IGSF9B: variants seen among roughly 807,000 people sequenced by gnomAD.
IGSF9B encodes the protein protein turtle homolog B.
Under a neutral mutation model 143.7 loss-of-function variants are expected in IGSF9B, and 48 were observed. That is an observed-to-expected ratio of 0.33 (90% CI 0.26 to 0.42). The LOEUF (loss-of-function observed/expected upper bound fraction) is 0.42, where lower values mean the gene tolerates loss of function less well. Among genes scored for constraint, IGSF9B ranks in the 20% least tolerant of loss-of-function variants. IGSF9B has a pLI of 1.00. For missense variants in IGSF9B, 1,706 were observed against 1,980.0 expected (o/e 0.86, Z 2.63); for synonymous variants, 903 against 833.1 (o/e 1.08, Z -1.44).
At chr11:133,927,652 C>T (rs541154555) in intron 12 of IGSF9B, among the ~76,000 whole-genome samples, 6 of 152,152 alleles carry the variant, frequency 3.9e-5, no homozygotes, top group African/African-American at 7.2e-5. Flanking sequence ...TCCCTAAGGC[C>T]GTAAGGGTTG....
rs1939309374 is a variant in IGSF9B at position 133,912,026 on chromosome 11, G to C, written c.3984-19C>G. 2.7e-6 allele frequency: 4 copies of C among 1,507,858 alleles called. No homozygotes were observed. The highest frequency in any genetic ancestry group is 2.6e-6 in the Non-Finnish European group (3 of 1,137,574). 93.4% of individuals were successfully genotyped at this position (1,507,858 alleles called of 1,614,324 possible). ...AAGTGTTCTGGAAAGGACAACCAGAGAGCCACAATTCAGCTCCCGGATGTG... is the reference window on the plus strand; with the variant it reads ...AAGTGTTCTGGAAAGGACAACCAGACAGCCACAATTCAGCTCCCGGATGTG... On this transcript the variant is annotated intron_variant, in intron 18 of 19. Transcript: ENST00000533871.
chr11:133,950,127 T>C (rs11223641), intron 1 of IGSF9B, among the ~76,000 whole-genome samples: 13,715 of 152,250 alleles, frequency 0.09, 902 homozygotes, highest in Non-Finnish European at 0.14. Context: ...GGGCTGCCGT[T>C]GGACCCCTGT....
chr11:133,931,220 G>C lies in IGSF9B; in HGVS notation c.1369-86C>G. 7.1e-7 allele frequency: 1 copy of C among 1,399,984 alleles called. No individual in the cohort carries two copies. Among genetic ancestry groups the C allele is most frequent in the Admixed American group, 1.9e-5 (1 of 51,890 alleles). 86.7% of individuals were successfully genotyped at this position (1,399,984 alleles called of 1,614,324 possible). On this transcript the variant is annotated intron_variant, in intron 10 of 19. Coordinates refer to ENST00000533871, the MANE Select transcript of IGSF9B (RefSeq NM_001277285.4). The surrounding 1 kb of genome is among the most constrained non-coding windows in gnomAD (Gnocchi z 7.7). ...CGAAGCAGATGGGGAGGACGCGCCT[G>C]AGACCCCGGCCCGCCCACGCTGCCC...
In IGSF9B at chr11:133,901,851, G is replaced by A. The variant is rs4937851; in HGVS notation, c.*7218C>T. Among the ~76,000 whole-genome samples, 68,455 of 124,786 alleles carry A rather than the reference G, an allele frequency of 0.55. 17,012 individuals carry two copies. The highest frequency in any genetic ancestry group is 0.67 in the East Asian group (3,110 of 4,610). 81.9% of individuals were successfully genotyped at this position (124,786 alleles called of 152,430 possible). ...ACACAAACACACACACACCACACACGCACCACACACGCACCACACACGCAC... is the reference window on the plus strand; with the variant it reads ...ACACAAACACACACACACCACACACACACCACACACGCACCACACACGCAC... On this transcript the variant is annotated 3_prime_UTR_variant, in exon 20 of 20. Coordinates refer to ENST00000533871, the MANE Select transcript of IGSF9B (RefSeq NM_001277285.4).
At chr11:133,946,286 G>A (rs751565409) in intron 1 of IGSF9B, 28 bp from the exon 2 acceptor site, 48 of 1,596,418 alleles carry the variant, frequency 3.0e-5, no homozygotes, top group Admixed American at 5.0e-5. Context: ...GTTGGACACA[G>A]AAAGGAGGTG....
chr11:133,941,665 G>A (rs1281303759), intron 3 of IGSF9B, among the ~76,000 whole-genome samples: 3 of 152,176 alleles, frequency 2.0e-5, no homozygotes, highest in African/African-American at 2.4e-5. Flanking sequence ...ATGGAAAAGC[G>A]TCTTTTATTA....
At chr11:133,955,751 A>C (rs1163286407) in intron 1 of IGSF9B, among the ~76,000 whole-genome samples, 1 of 152,124 alleles carries the variant, frequency 6.6e-6, no homozygotes, top group Non-Finnish European at 1.5e-5. Flanking sequence ...GCCCATCTCC[A>C]AAGCAAAAGC....
rs1565422500 is a variant in IGSF9B at position 133,920,132 on chromosome 11, G to A, written c.3593C>T (p.Pro1198Leu). ...EPSLHQVVLQ[P>L]SRLSPLTQSP... The stretch of plus-strand genomic sequence containing the variant: ...TTGGGTCAGAGGTGAGAGCCGGGAG[G>A]GCTGTAGCACCACTTGATGTAAACT... The change falls in exon 18 of 20, where the codon CCC becomes CTC. Residue 1198 changes from proline (P) to leucine (L), a missense_variant. By Grantham distance (98) the Pro-to-Leu change is moderately conservative. Around this residue, in one of 7 missense-constraint regions of IGSF9B, gnomAD observed 880 missense variants for 762.9 expected, o/e 1.15. Transcript: ENST00000533871. 1 of 1,511,630 alleles carries A rather than the reference G, an allele frequency of 6.6e-7. No individual in the cohort carries two copies. The highest frequency in any genetic ancestry group is 8.9e-7 in the Non-Finnish European group (1 of 1,129,720). 93.6% of individuals were successfully genotyped at this position (1,511,630 alleles called of 1,614,324 possible). A position where few individuals can be genotyped will look rare whatever the true frequency, so the allele number is the denominator to read the frequency against.
intron 15 of IGSF9B, among the ~76,000 whole-genome samples, chr11:133,923,601 C>G (rs58503564): frequency 6.6e-6 from 1 of 152,272 alleles, no homozygotes; most frequent in East Asian, 1.9e-4. Flanking sequence ...TAGATTGTAA[C>G]GTATTTGGCC....
Position 133,936,067 on chromosome 11 carries a change from G to A in IGSF9B, c.807C>T (p.Asn269=), listed in dbSNP as rs747114947. Residue 269 remains asparagine, a synonymous_variant, in exon 6 of 20, where the codon AAC becomes AAT. Transcript: ENST00000533871. The part of the protein sequence containing the change: ...LTYTWYWQDE[N]VYFQNDLKLR... Reference sequence around the variant, plus strand: ...AGGGTGCTCACTTCTGAAAGTAGACGTTCTCGTCCTGCCAGTACCAGGTGT... The same window carrying A: ...AGGGTGCTCACTTCTGAAAGTAGACATTCTCGTCCTGCCAGTACCAGGTGT... The A allele has an allele frequency of 2.9e-5, 46 of 1,613,516 alleles. No individual in the cohort carries two copies. The highest frequency in any genetic ancestry group is 1.1e-4 in the South Asian group (10 of 90,978).
At chr11:133,934,926 C>A (rs754417870) in intron 7 of IGSF9B, among the ~76,000 whole-genome samples, 48 of 152,228 alleles carry the variant, frequency 3.2e-4, no homozygotes, top group Non-Finnish European at 5.9e-4. Context: ...ATCCACAAAT[C>A]AAAAGGAAGA....
At chr11:133,919,128 G>GGGGGGGGGA in intron 18 of IGSF9B, 1 of 335,538 alleles carries the variant, frequency 3.0e-6, no homozygotes, top group South Asian at 2.0e-5. Context: ...CGGGGGGGGG[G>GGGGGGGGGA]TGGGGGACGT....
Position 133,948,052 on chromosome 11 carries a change from T to TGTGC in IGSF9B, c.65-1798_65-1795dup, listed in dbSNP as rs1043856181. Among the ~76,000 whole-genome samples the TGTGC allele has an allele frequency of 1.2e-5, 1 of 81,926 alleles. No individual in the cohort carries two copies. Among genetic ancestry groups the TGTGC allele is most frequent in the East Asian group, 4.3e-4 (1 of 2,346 alleles). 53.7% of individuals were successfully genotyped at this position (81,926 alleles called of 152,430 possible). On this transcript the variant is annotated intron_variant, in intron 1 of 19. Transcript: ENST00000533871. The surrounding 1 kb of genome is among the most constrained non-coding windows in gnomAD (Gnocchi z 4.7). ...CTCCCTGTTTCTGTCTACCAGCATG[T>TGTGC]GTGCGTGTGTGTGTGTGTGTGTGTG...
In IGSF9B at chr11:133,935,871, G is replaced by A. The variant is rs929616596; in HGVS notation, c.822-109C>T. 7.6e-6 allele frequency: 11 copies of A among 1,441,490 alleles called. No individual in the cohort carries two copies. In the African/African-American group the frequency reaches 8.4e-5, roughly 11 times the overall value. The allele number at this position is 1,441,490 out of a possible 1,614,324, so 89.3% of individuals were successfully genotyped here. A position where few individuals can be genotyped will look rare whatever the true frequency, so the allele number is the denominator to read the frequency against. ...TGTGGCATGGAGAGCCCATGCCCCT[G>A]GCATCCCCAGGGCCCCTCCATGCAG... On this transcript the variant is annotated intron_variant, in intron 6 of 19. Transcript: ENST00000533871.
rs1217754923 is a variant in IGSF9B at position 133,909,598 on chromosome 11, T to TTCTAGG, written c.4106-327_4106-322dup. ...AGTGCCTCTTGAGTACTAGGCATCA[T>TTCTAGG]TCTAGGGACTGGGGATCAGGAAGGA... is the stretch of plus-strand genomic sequence containing the variant. On this transcript the variant is annotated intron_variant, in intron 19 of 19. Coordinates refer to ENST00000533871, the MANE Select transcript of IGSF9B (RefSeq NM_001277285.4). This position sits in a 1 kb window ranked among gnomAD's most constrained non-coding sequence, Gnocchi z 4.2. 6.6e-6 allele frequency among the ~76,000 whole-genome samples: 1 copy of TTCTAGG among 152,200 alleles called. No homozygotes were observed. Among genetic ancestry groups the TTCTAGG allele is most frequent in the African/African-American group, 2.4e-5 (1 of 41,456 alleles).
chr11:133,902,297 TACAC>T lies in IGSF9B; in HGVS notation c.*6768_*6771del, dbSNP rs1360525876. Among the ~76,000 whole-genome samples, 1 of 106,238 alleles carries T rather than the reference TACAC, an allele frequency of 9.4e-6. No homozygotes were observed. The highest frequency in any genetic ancestry group is 1.9e-5 in the Non-Finnish European group (1 of 51,850). 69.7% of individuals were successfully genotyped at this position (106,238 alleles called of 152,430 possible). On this transcript the variant is annotated 3_prime_UTR_variant, in exon 20 of 20. Transcript: ENST00000533871. ...ACACACACACCAGACACATCACACA[TACAC>T]GCACACCACAGATACACACACACCA...
Position 133,920,108 on chromosome 11 carries a change from T to G in IGSF9B, c.3617A>C (p.Gln1206Pro). ...GCCGGTGCGGGAGCTGAGGGGGCTTTGGGTCAGAGGTGAGAGCCGGGAGGG... is the reference window on the plus strand; with the variant it reads ...GCCGGTGCGGGAGCTGAGGGGGCTTGGGGTCAGAGGTGAGAGCCGGGAGGG... ...LQPSRLSPLT[Q>P]SPLSSRTGSP... The change falls in exon 18 of 20, where the codon CAA (glutamine) becomes CCA (proline). Residue 1206 changes from glutamine to proline, a missense_variant. Gln to Pro is a moderately conservative substitution (Grantham distance 76). Transcript: ENST00000533871. 1 of 1,516,540 alleles carries G rather than the reference T, an allele frequency of 6.6e-7. No individual in the cohort carries two copies. The highest frequency in any genetic ancestry group is 8.8e-7 in the Non-Finnish European group (1 of 1,132,616). The allele number at this position is 1,516,540 out of a possible 1,614,324, so 93.9% of individuals were successfully genotyped here.
At chr11:133,916,035 C>T (rs757222637) in intron 18 of IGSF9B, among the ~76,000 whole-genome samples, 5 of 152,172 alleles carry the variant, frequency 3.3e-5, no homozygotes, top group Non-Finnish European at 7.3e-5. Context: ...TACAAAGGGG[C>T]CCCTTCCTAC....
chr11:133,919,723 G>A lies in IGSF9B; in HGVS notation c.3983+19C>T, dbSNP rs1232777658. On this transcript the variant is annotated intron_variant, in intron 18 of 19. Transcript: ENST00000533871. The stretch of plus-strand genomic sequence containing the variant: ...GGAAGTTGCCCAGGTGCGGGTGGCG[G>A]AAGAGGCGGCGCACTCACCCTGAAG... 4 of 1,367,646 alleles carry A rather than the reference G, an allele frequency of 2.9e-6. No individual in the cohort carries two copies. The highest frequency in any genetic ancestry group is 3.8e-6 in the Non-Finnish European group (4 of 1,049,602). 84.7% of individuals were successfully genotyped at this position (1,367,646 alleles called of 1,614,324 possible).
Sources: allele counts gnomAD v4.1 joint callset (sites outside exome capture counted in the v4.1 genomes callset), GRCh38; gene constraint gnomAD v4.1.1; regional missense constraint gnomAD v4.1.1; non-coding constraint Gnocchi (gnomAD v3.1); transcripts MANE v1.5; gene names NCBI Gene and HGNC (gene_info 2026-07-23, HGNC 2026-07-21).